PRDM16: variants seen among roughly 807,000 people sequenced by gnomAD.
The protein encoded by PRDM16 is histone-lysine N-methyltransferase PRDM16.
PRDM16 carries 23 observed loss-of-function variants against 110.6 expected under a neutral mutation model. That is an observed-to-expected ratio of 0.21 (90% CI 0.15 to 0.29). PRDM16 has a LOEUF of 0.29. Ranked by LOEUF, PRDM16 falls within the 10% of genes least tolerant of loss-of-function variation. The probability of loss-of-function intolerance (pLI) is 1.00; values close to 1 mark genes in which losing one functional copy is unlikely to be tolerated. For synonymous variants in PRDM16, 799 were observed against 781.8 expected, an observed-to-expected ratio of 1.02 and a Z score of -0.37; for missense variants, 1,615 against 1,794.3, an observed-to-expected ratio of 0.90 and a Z score of 1.81.
intron 3 of PRDM16, among the ~76,000 whole-genome samples, chr1:3,310,611 C>A (rs2483259): frequency 6.6e-6 from 1 of 152,094 alleles, no homozygotes; most frequent in Admixed American, 6.5e-5. Flanking sequence ...CCCCAAGTCC[C>A]TCCACCTGCC....
At chr1:3,332,679 G>A (rs557844273) in intron 3 of PRDM16, among the ~76,000 whole-genome samples, 10 of 152,058 alleles carry the variant, frequency 6.6e-5, no homozygotes, top group African/African-American at 1.7e-4. Flanking sequence ...GCCGACTTCC[G>A]AGAGGCTTTC....
At chr1:3,085,738 G>T (rs1217978697) in intron 1 of PRDM16, among the ~76,000 whole-genome samples, 1 of 152,196 alleles carries the variant, frequency 6.6e-6, no homozygotes, top group Non-Finnish European at 1.5e-5. Context: ...GCCATGCCAG[G>T]TCTCTTTCTG....
chr1:3,402,908 C>G lies in PRDM16; in HGVS notation c.794C>G (p.Ala265Gly). 1 of 1,612,982 alleles carries G rather than the reference C, an allele frequency of 6.2e-7. No homozygotes were observed. Among genetic ancestry groups the G allele is most frequent in the Non-Finnish European group, 8.5e-7 (1 of 1,179,992 alleles). ...GGGGCTGCGCTCTACGAGGGCCTGG[C>G]TGAGGAGCTCAAGCCCGAGGGCCTT... The part of the protein sequence containing the change: ...SVGAALYEGL[A>G]EELKPEGLGG... The change falls in exon 6 of 17, where the codon GCT becomes GGT. Residue 265 changes from alanine (A) to glycine (G), a missense_variant. Transcript: ENST00000270722.
intron 1 of PRDM16, among the ~76,000 whole-genome samples, chr1:3,096,941 G>A (rs556081817): frequency 1.4e-4 from 22 of 152,296 alleles, no homozygotes; most frequent in African/African-American, 4.6e-4. Context: ...TTAAAACTAC[G>A]CCGAGGCTGC....
At position 3,248,553 on chromosome 1, in the gene PRDM16, C is replaced by T. The variant is rs72632114; in HGVS notation, c.438+4416C>T. Among the ~76,000 whole-genome samples the T allele has an allele frequency of 5.8e-3, 880 of 152,280 alleles. 1 individual carries two copies. Among genetic ancestry groups the T allele is most frequent in the Admixed American group, 9.4e-3 (144 of 15,300 alleles). ...AAAAACGCATCCACCCCAGCCAGCC[C>T]CTAGGGCGAGGGGCGGGAGTGCAGA... On this transcript the variant is annotated intron_variant, in intron 3 of 16. Coordinates refer to ENST00000270722, the MANE Select transcript of PRDM16 (RefSeq NM_022114.4).
At chr1:3,250,066 G>C (rs541092028) in intron 3 of PRDM16, among the ~76,000 whole-genome samples, 1 of 152,024 alleles carries the variant, frequency 6.6e-6, no homozygotes, top group African/African-American at 2.4e-5. Flanking sequence ...ACCCTCATCC[G>C]CCCCTGGGGA....
intron 3 of PRDM16, among the ~76,000 whole-genome samples, chr1:3,303,805 A>G (rs1641256104): frequency 1.3e-5 from 2 of 149,470 alleles, no homozygotes; most frequent in African/African-American, 2.5e-5. Context: ...TGTGCTGGGG[A>G]GCGCAGGAGG....
chr1:3,088,087 G>T (rs543234128), intron 1 of PRDM16, among the ~76,000 whole-genome samples: 12 of 152,146 alleles, frequency 7.9e-5, no homozygotes, highest in Non-Finnish European at 1.6e-4. Flanking sequence ...CTTCCAACAG[G>T]ATTGTCTATT....
At chr1:3,093,926 C>A (rs368063321) in intron 1 of PRDM16, among the ~76,000 whole-genome samples, 4 of 152,302 alleles carry the variant, frequency 2.6e-5, no homozygotes, top group South Asian at 4.1e-4. Flanking sequence ...GAGTTCCTGA[C>A]AAATTTCCCT....
At chr1:3,188,584 C>G (rs974737316) in intron 2 of PRDM16, among the ~76,000 whole-genome samples, 1 of 152,182 alleles carries the variant, frequency 6.6e-6, no homozygotes, top group Admixed American at 6.5e-5. Context: ...CCCCTCCTGC[C>G]GGCGCTTAGA....
intron 1 of PRDM16, among the ~76,000 whole-genome samples, chr1:3,134,717 C>T (rs1277643738): frequency 6.6e-6 from 1 of 152,286 alleles, no homozygotes; most frequent in Non-Finnish European, 1.5e-5. Flanking sequence ...GAAGATTAAA[C>T]TTAAAGCGAT....
chr1:3,312,632 G>C (rs1417254767), intron 3 of PRDM16, among the ~76,000 whole-genome samples: 1 of 152,246 alleles, frequency 6.6e-6, no homozygotes, highest in Non-Finnish European at 1.5e-5. Context: ...GAAAGGGACC[G>C]TGCACCCTCC....
chr1:3,199,586 C>T (rs1228381030), intron 2 of PRDM16, among the ~76,000 whole-genome samples: 1 of 152,174 alleles, frequency 6.6e-6, no homozygotes, highest in Non-Finnish European at 1.5e-5. Context: ...TTCCAGTTGC[C>T]CTGGCTCCTG....
intron 2 of PRDM16, among the ~76,000 whole-genome samples, chr1:3,189,032 G>C (rs1323911797): frequency 1.3e-5 from 2 of 152,148 alleles, no homozygotes; most frequent in African/African-American, 4.8e-5. Context: ...CCTGGTTTTT[G>C]CCTTCCCTGA....
At position 3,216,345 on chromosome 1, in the gene PRDM16, C is replaced by T. The variant is rs921469830; in HGVS notation, c.388-27742C>T. Among the ~76,000 whole-genome samples the T allele has an allele frequency of 5.9e-5, 9 of 152,274 alleles. 1 individual carries two copies. The Middle Eastern group carries it at 0.017, about 288-fold the overall frequency. On this transcript the variant is annotated intron_variant, in intron 2 of 16. Transcript: ENST00000270722. ...TGTCACTCCAGTGACATCCATGCCA[C>T]GGGGCTGGGAAGCCAGAGGGGCCTC...
intron 1 of PRDM16, among the ~76,000 whole-genome samples, chr1:3,142,168 C>G (rs1256222977): frequency 1.3e-5 from 2 of 152,254 alleles, no homozygotes; most frequent in Admixed American, 6.5e-5. Context: ...TCTGGTCTTC[C>G]AGGAAGAGGT....
intron 3 of PRDM16, among the ~76,000 whole-genome samples, chr1:3,333,586 C>A (rs2100493514): frequency 6.6e-6 from 1 of 152,318 alleles, no homozygotes; most frequent in South Asian, 2.1e-4. Flanking sequence ...AAAAGCCTTC[C>A]TCCGAAGGCA....
At chr1:3,260,329 G>C (rs1640131763) in intron 3 of PRDM16, among the ~76,000 whole-genome samples, 1 of 152,126 alleles carries the variant, frequency 6.6e-6, no homozygotes, top group African/African-American at 2.4e-5. Flanking sequence ...GAGCCCCCAT[G>C]AGGGTCTGTC....
intron 14 of PRDM16, 52 bp from the exon 15 acceptor site, chr1:3,430,820 G>A: frequency 6.3e-7 from 1 of 1,598,278 alleles, no homozygotes; most frequent in Non-Finnish European, 8.6e-7. Flanking sequence ...GGGGGTCCAT[G>A]GGAAGGACAG....
Sources: allele counts gnomAD v4.1 joint callset (sites outside exome capture counted in the v4.1 genomes callset), GRCh38; gene constraint gnomAD v4.1.1; transcripts MANE v1.5; gene names NCBI Gene and HGNC (gene_info 2026-07-23, HGNC 2026-07-21).